Variants in HTR1F observed in about 807,000 individuals in gnomAD.
HTR1F encodes 5-hydroxytryptamine (serotonin) receptor 1F, G protein-coupled.
In HTR1F, 17 loss-of-function variants were observed where a neutral mutation model predicts 24.0. The observed-to-expected ratio is 0.71, with a 90% CI of 0.48 to 1.06. The LOEUF (loss-of-function observed/expected upper bound fraction) is 1.06, where lower values mean the gene tolerates loss of function less well. Among genes scored for constraint, HTR1F ranks in the 50% least tolerant of loss-of-function variants. The probability of loss-of-function intolerance (pLI) is 0.00; values close to 1 mark genes in which losing one functional copy is unlikely to be tolerated. For synonymous variants in HTR1F, 186 were observed against 156.8 expected (o/e 1.19, Z -1.39); for missense variants, 391 against 427.8 (o/e 0.91, Z 0.76).
intron 1 of HTR1F, among the ~76,000 whole-genome samples, chr3:87,794,310 T>C (rs752390545): frequency 7.2e-5 from 11 of 152,144 alleles, no homozygotes; most frequent in Non-Finnish European, 1.3e-4. Flanking sequence ...CTTCGTGCCT[T>C]CCCTAAGGAA....
chr3:87,864,822 G>A (rs1705389214), intron 2 of HTR1F, among the ~76,000 whole-genome samples: 1 of 151,210 alleles, frequency 6.6e-6, no homozygotes, highest in Admixed American at 6.6e-5. Context: ...CTTGAACCTG[G>A]GAGGCAAAGG....
intron 2 of HTR1F, among the ~76,000 whole-genome samples, chr3:87,931,039 TTTTTTTTA>T (rs765216653): frequency 1.8e-5 from 2 of 112,428 alleles, no homozygotes; most frequent in Non-Finnish European, 3.7e-5. Flanking sequence ...TTTTTTTTTT[TTTTTTTTA>T]CTTTTTTTAT....
chr3:87,935,426 A>G (rs139693981), intron 2 of HTR1F, among the ~76,000 whole-genome samples: 1 of 152,016 alleles, frequency 6.6e-6, no homozygotes, highest in African/African-American at 2.4e-5. Context: ...CCCAGTTTTT[A>G]CCTAAATAAT....
At chr3:87,858,307 C>T (rs1451111166) in intron 2 of HTR1F, among the ~76,000 whole-genome samples, 1 of 152,118 alleles carries the variant, frequency 6.6e-6, no homozygotes, top group Non-Finnish European at 1.5e-5. Context: ...TCATCATGAC[C>T]TGTGATTTCC....
chr3:87,866,498 C>G (rs573245773), intron 2 of HTR1F, among the ~76,000 whole-genome samples: 2 of 151,704 alleles, frequency 1.3e-5, no homozygotes, highest in Non-Finnish European at 2.9e-5. Flanking sequence ...GTACTACAAG[C>G]CATCACCAGA....
intron 2 of HTR1F, among the ~76,000 whole-genome samples, chr3:87,972,554 T>G (rs1705307124): frequency 1.3e-5 from 2 of 152,220 alleles, no homozygotes. Context: ...GACAACTCCA[T>G]GTGGGCTATC....
At chr3:87,949,081 G>C (rs1156839391) in intron 2 of HTR1F, among the ~76,000 whole-genome samples, 1 of 152,048 alleles carries the variant, frequency 6.6e-6, no homozygotes, top group Non-Finnish European at 1.5e-5. Context: ...TTAAAAAAAA[G>C]TCTCAAACTA....
chr3:87,843,402 T>C (rs1704852200), intron 2 of HTR1F, among the ~76,000 whole-genome samples: 1 of 151,868 alleles, frequency 6.6e-6, no homozygotes, highest in Admixed American at 6.6e-5. Flanking sequence ...ATGTCAGATG[T>C]TTATATCATA....
intron 2 of HTR1F, among the ~76,000 whole-genome samples, chr3:87,899,105 C>T (rs539838206): frequency 6.6e-6 from 1 of 152,128 alleles, no homozygotes; most frequent in South Asian, 2.1e-4. Flanking sequence ...CTCTTTCAGC[C>T]TTATGAATTT....
At chr3:87,907,208 T>C (rs1270068603) in intron 2 of HTR1F, among the ~76,000 whole-genome samples, 1 of 151,674 alleles carries the variant, frequency 6.6e-6, no homozygotes, top group East Asian at 1.9e-4. Flanking sequence ...TTTTTTTTTT[T>C]GATTATTGGT....
chr3:87,988,537 T>C (rs1705728603), intron 2 of HTR1F, among the ~76,000 whole-genome samples: 1 of 152,200 alleles, frequency 6.6e-6, no homozygotes. Flanking sequence ...TAGAACAGAA[T>C]AGAAAATACG....
At chr3:87,832,835 T>C (rs1704610604) in intron 2 of HTR1F, among the ~76,000 whole-genome samples, 1 of 152,234 alleles carries the variant, frequency 6.6e-6, no homozygotes, top group African/African-American at 2.4e-5. Flanking sequence ...TATTTGAAAC[T>C]TTTATCAAGA....
chr3:87,923,043 T>C (rs997519976), intron 2 of HTR1F, among the ~76,000 whole-genome samples: 5 of 152,050 alleles, frequency 3.3e-5, no homozygotes, highest in Admixed American at 3.3e-4. Context: ...CCAGTGCATG[T>C]TCTTGGAGTA....
intron 2 of HTR1F, among the ~76,000 whole-genome samples, chr3:87,916,337 A>G (rs912813658): frequency 1.2e-4 from 18 of 149,250 alleles, no homozygotes; most frequent in African/African-American, 3.7e-4. Context: ...AACAAGGTAC[A>G]CAGGCAACAA....
At chr3:87,901,910 A>C (rs1250267092) in intron 2 of HTR1F, among the ~76,000 whole-genome samples, 1 of 152,136 alleles carries the variant, frequency 6.6e-6, no homozygotes, top group African/African-American at 2.4e-5. Flanking sequence ...ACCTCTACAA[A>C]ATAATTGCCA....
intron 2 of HTR1F, among the ~76,000 whole-genome samples, chr3:87,844,117 T>C (rs1196822672): frequency 6.6e-6 from 1 of 151,470 alleles, no homozygotes; most frequent in Non-Finnish European, 1.5e-5. Context: ...ACTTCCACAA[T>C]GGTTGAACTA....
At chr3:87,895,923 A>T (rs969330497) in intron 2 of HTR1F, among the ~76,000 whole-genome samples, 1 of 152,194 alleles carries the variant, frequency 6.6e-6, no homozygotes, top group African/African-American at 2.4e-5. Context: ...TGGTGTGATG[A>T]GTAAGTGATT....
intron 2 of HTR1F, among the ~76,000 whole-genome samples, chr3:87,932,723 C>T (rs1249407937): frequency 6.6e-6 from 1 of 151,486 alleles, no homozygotes; most frequent in African/African-American, 2.4e-5. Context: ...AGCTTACCAA[C>T]CAAAAAGAGT....
At chr3:87,806,029 G>T (rs1704068280) in intron 1 of HTR1F, among the ~76,000 whole-genome samples, 1 of 151,732 alleles carries the variant, frequency 6.6e-6, no homozygotes. Flanking sequence ...TCTGTGTCTG[G>T]CTTATTTCAC....
Sources: gnomAD v4.1 joint callset for allele counts (sites outside exome capture counted in the v4.1 genomes callset) on GRCh38, gnomAD v4.1.1 for gene constraint, MANE v1.5 for transcripts, NCBI Gene and HGNC (gene_info 2026-07-23, HGNC 2026-07-21) for gene names.